ACTR3: variants seen among roughly 807,000 people sequenced by gnomAD.
ACTR3 encodes the protein actin related protein 3.
Under a neutral mutation model 56.8 loss-of-function variants are expected in ACTR3, and 12 were observed. The ratio of observed to expected loss-of-function variants is 0.21; its 90% CI spans 0.14 to 0.34. The LOEUF is 0.34. Ranked by LOEUF, ACTR3 falls within the 10% of genes least tolerant of loss-of-function variation. The probability of loss-of-function intolerance (pLI) is 1.00; values close to 1 mark genes in which losing one functional copy is unlikely to be tolerated. For missense variants in ACTR3, 282 were observed against 512.5 expected, an observed-to-expected ratio of 0.55 and a Z score of 4.34; for synonymous variants, 162 against 167.4, an observed-to-expected ratio of 0.97 and a Z score of 0.25.
chr2:113,935,236 A>G (rs1026108370), intron 6 of ACTR3, among the ~76,000 whole-genome samples: 1 of 148,062 alleles, frequency 6.8e-6, no homozygotes, highest in African/African-American at 2.6e-5. Flanking sequence ...CATACAATTC[A>G]CTTCTTTAGA....
chr2:113,945,035 G>T (rs1291558877), intron 8 of ACTR3, among the ~76,000 whole-genome samples: 1 of 152,154 alleles, frequency 6.6e-6, no homozygotes, highest in Non-Finnish European at 1.5e-5. Flanking sequence ...ATTACCTAGG[G>T]ATAGTGAGGG....
At chr2:113,941,408 T>A (rs958778315) in intron 7 of ACTR3, among the ~76,000 whole-genome samples, 2 of 152,206 alleles carry the variant, frequency 1.3e-5, no homozygotes, top group Admixed American at 1.3e-4. Flanking sequence ...TTCCAAGGTT[T>A]GGAGAAGACC....
At chr2:113,908,802 T>G (rs1229317044) in intron 1 of ACTR3, among the ~76,000 whole-genome samples, 2 of 152,170 alleles carry the variant, frequency 1.3e-5, no homozygotes, top group African/African-American at 4.8e-5. Context: ...GGAGAAAATG[T>G]GACTTTTTGA....
chr2:113,897,515 G>GTATTTTTTTTTTT lies in ACTR3; in HGVS notation c.44+7193_44+7194insATTTTTTTTTTTT, dbSNP rs1559454475. On this transcript the variant is annotated intron_variant, in intron 1 of 11. Transcript: ENST00000263238. ...ATAGCTTGAATTTGTGTGGCCAGATGTTATTTTTTTTTTTTTTTTTTTTTT... is the reference window on the plus strand; with the variant it reads ...ATAGCTTGAATTTGTGTGGCCAGATGTATTTTTTTTTTTTTATTTTTTTTTTTTTTTTTTTTTT... Among the ~76,000 whole-genome samples, 7 of 134,110 alleles carry GTATTTTTTTTTTT rather than the reference G, an allele frequency of 5.2e-5. 3 individuals carry two copies. The highest frequency in any genetic ancestry group is 1.1e-4 in the African/African-American group (4 of 37,848). 88.0% of individuals were successfully genotyped at this position (134,110 alleles called of 152,430 possible). A position where few individuals can be genotyped will look rare whatever the true frequency, so the allele number is the denominator to read the frequency against.
At chr2:113,951,916 G>T in intron 10 of ACTR3, 71 bp downstream of exon 10, 2 of 1,579,854 alleles carry the variant, frequency 1.3e-6, no homozygotes, top group Non-Finnish European at 8.6e-7. Context: ...ATATTTGCCA[G>T]CATTCACTCT....
intron 1 of ACTR3, among the ~76,000 whole-genome samples, chr2:113,906,377 C>G (rs531484007): frequency 1.3e-5 from 2 of 152,030 alleles, no homozygotes; most frequent in Non-Finnish European, 2.9e-5. Flanking sequence ...GATATTAATC[C>G]CTTACAGATA....
Position 113,934,311 on chromosome 2 carries a change from A to C in ACTR3, c.465A>C (p.Ser155=). The part of the protein sequence containing the change: ...AVLALAASWT[S]RQVGERTLTG... Reference sequence around the variant, plus strand: ...TTGCCTTAGCTGCATCTTGGACCTCAAGACAAGTAGGAGAACGGACGTTGA... The same window carrying C: ...TTGCCTTAGCTGCATCTTGGACCTCCAGACAAGTAGGAGAACGGACGTTGA... Residue 155 remains serine, a synonymous_variant, in exon 6 of 12, where the codon TCA becomes TCC. Transcript: ENST00000263238. 6.2e-7 allele frequency: 1 copy of C among 1,606,940 alleles called. No homozygotes were observed. Among genetic ancestry groups the C allele is most frequent in the Non-Finnish European group, 8.5e-7 (1 of 1,178,192 alleles).
intron 10 of ACTR3, chr2:113,955,341 T>G (rs1039365982): frequency 4.3e-6 from 1 of 234,010 alleles, no homozygotes. Context: ...TTTTTTAGTA[T>G]GTAAAACACT....
chr2:113,897,919 A>G (rs184539015), intron 1 of ACTR3, among the ~76,000 whole-genome samples: 3 of 152,140 alleles, frequency 2.0e-5, no homozygotes, highest in African/African-American at 7.2e-5. Context: ...ATTTTTAAAC[A>G]TTTTGTCCTT....
intron 8 of ACTR3, among the ~76,000 whole-genome samples, chr2:113,949,227 A>C (rs527922441): frequency 2.0e-5 from 3 of 151,146 alleles, no homozygotes; most frequent in Admixed American, 6.6e-5. Flanking sequence ...AAAACACAAA[A>C]ATTAGCCGGG....
At chr2:113,908,613 T>A (rs1489778118) in intron 1 of ACTR3, among the ~76,000 whole-genome samples, 1 of 152,096 alleles carries the variant, frequency 6.6e-6, no homozygotes, top group Non-Finnish European at 1.5e-5. Flanking sequence ...AGTCTGAGAT[T>A]TCTACGGTTC....
chr2:113,914,028 C>T (rs954994559), intron 2 of ACTR3, among the ~76,000 whole-genome samples: 1 of 152,072 alleles, frequency 6.6e-6, no homozygotes, highest in Non-Finnish European at 1.5e-5. Context: ...TAGTGGTTCT[C>T]CTAGACATTT....
At chr2:113,929,334 C>CA (rs1018731663) in intron 4 of ACTR3, among the ~76,000 whole-genome samples, 81 of 152,134 alleles carry the variant, frequency 5.3e-4, no homozygotes, top group African/African-American at 1.8e-3. Flanking sequence ...GAGATGGAGT[C>CA]TCACTTTGTC....
At chr2:113,927,947 AT>A (rs1199503996) in intron 4 of ACTR3, among the ~76,000 whole-genome samples, 1 of 152,178 alleles carries the variant, frequency 6.6e-6, no homozygotes, top group Non-Finnish European at 1.5e-5. Context: ...TTTGGTTCAT[AT>A]TCCCCGGAGG....
intron 5 of ACTR3, 88 bp downstream of exon 5, chr2:113,931,484 C>A: frequency 1.5e-6 from 1 of 650,864 alleles, no homozygotes; most frequent in Non-Finnish European, 2.3e-6. Context: ...TTTTTTTTTT[C>A]TGCAAAGGTT....
chr2:113,933,677 A>ATTTTTTTTT (rs1167918809), intron 5 of ACTR3, among the ~76,000 whole-genome samples: 2 of 123,812 alleles, frequency 1.6e-5, no homozygotes, highest in African/African-American at 3.5e-5. Context: ...GTTCTATACA[A>ATTTTTTTTT]TTTTTTTTTT....
intron 4 of ACTR3, among the ~76,000 whole-genome samples, chr2:113,930,282 C>T (rs112306418): frequency 7.9e-5 from 12 of 152,176 alleles, no homozygotes; most frequent in African/African-American, 2.4e-4. Flanking sequence ...GAAGTTTAAA[C>T]ACCACAGGGA....
intron 3 of ACTR3, among the ~76,000 whole-genome samples, chr2:113,920,041 AG>A (rs1456407736): frequency 6.6e-6 from 1 of 152,282 alleles, no homozygotes; most frequent in Non-Finnish European, 1.5e-5. Flanking sequence ...CTCCTGCTTC[AG>A]CCTCCTGAGT....
chr2:113,934,418 A>G (rs745322365), intron 6 of ACTR3, 32 bp downstream of exon 6: 3 of 1,301,740 alleles, frequency 2.3e-6, no homozygotes, highest in South Asian at 2.8e-5. Flanking sequence ...TGAACAGAAC[A>G]TGAAATAACA....
Sources: gnomAD v4.1 joint callset for allele counts (sites outside exome capture counted in the v4.1 genomes callset) on GRCh38, gnomAD v4.1.1 for gene constraint, MANE v1.5 for transcripts, NCBI Gene and HGNC (gene_info 2026-07-23, HGNC 2026-07-21) for gene names.